The following AUTS2 variants were observed in gnomAD, a reference collection of about 807,000 sequenced individuals.
AUTS2 encodes activator of transcription and developmental regulator AUTS2.
A neutral mutation model predicts 112.4 loss-of-function variants in AUTS2; 17 were observed. The observed-to-expected ratio is 0.15, with a 90% CI of 0.10 to 0.23. The LOEUF is 0.23. Among genes scored for constraint, AUTS2 ranks in the 10% least tolerant of loss-of-function variants. AUTS2 has a pLI of 1.00. For synonymous variants in AUTS2, 751 were observed against 702.7 expected (o/e 1.07, Z -1.09); for missense variants, 1,510 against 1,701.6 (o/e 0.89, Z 1.98).
chr7:69,894,637 T>A (rs1023095952), intron 1 of AUTS2, among the ~76,000 whole-genome samples: 2 of 152,170 alleles, frequency 1.3e-5, no homozygotes, highest in African/African-American at 4.8e-5. Context: ...ACGAGAAAAT[T>A]TCTTCTTTCC....
At chr7:69,617,156 A>G (rs1345221943) in intron 1 of AUTS2, among the ~76,000 whole-genome samples, 1 of 152,146 alleles carries the variant, frequency 6.6e-6, no homozygotes. Flanking sequence ...CTCAAATAAC[A>G]TTGATTCTTT....
chr7:70,235,707 A>G (rs1291225631), intron 4 of AUTS2, among the ~76,000 whole-genome samples: 1 of 150,110 alleles, frequency 6.7e-6, no homozygotes, highest in East Asian at 2.0e-4. Context: ...GCTGGAGTGC[A>G]ATGGTATGAT....
chr7:69,692,094 G>T (rs1400564385), intron 1 of AUTS2, among the ~76,000 whole-genome samples: 1 of 152,188 alleles, frequency 6.6e-6, no homozygotes, highest in African/African-American at 2.4e-5. Flanking sequence ...ATGCTTTAGA[G>T]GTGGGAGAAT....
At chr7:70,619,028 T>C (rs571730739) in intron 5 of AUTS2, among the ~76,000 whole-genome samples, 154 of 152,264 alleles carry the variant, frequency 1.0e-3, no homozygotes, top group African/African-American at 3.3e-3. Flanking sequence ...GATATTCTAC[T>C]TGGGACACAC....
intron 5 of AUTS2, among the ~76,000 whole-genome samples, chr7:70,601,984 G>T (rs1803494665): frequency 6.6e-6 from 1 of 152,074 alleles, no homozygotes; most frequent in Non-Finnish European, 1.5e-5. Flanking sequence ...AATAGTCTCT[G>T]ATTCCCTATT....
At chr7:70,025,547 G>A (rs2129555781) in intron 2 of AUTS2, among the ~76,000 whole-genome samples, 1 of 151,034 alleles carries the variant, frequency 6.6e-6, no homozygotes, top group South Asian at 2.1e-4. Flanking sequence ...TGCCTCCCAG[G>A]TTCAAGTGAT....
intron 4 of AUTS2, among the ~76,000 whole-genome samples, chr7:70,246,578 G>C (rs1812934170): frequency 6.6e-6 from 1 of 151,916 alleles, no homozygotes; most frequent in African/African-American, 2.4e-5. Flanking sequence ...ACACAACACT[G>C]TTGAAATTAT....
chr7:70,563,946 T>C (rs1451720898), intron 5 of AUTS2, among the ~76,000 whole-genome samples: 1 of 152,222 alleles, frequency 6.6e-6, no homozygotes, highest in African/African-American at 2.4e-5. Flanking sequence ...GCATATGGAT[T>C]TTCTGAAATA....
intron 6 of AUTS2, among the ~76,000 whole-genome samples, chr7:70,733,772 A>G (rs554859102): frequency 6.6e-6 from 1 of 152,012 alleles, no homozygotes; most frequent in African/African-American, 2.4e-5. Flanking sequence ...TTTTTAGTAG[A>G]GACAGGGTTT....
At chr7:70,035,746 A>T (rs1029551015) in intron 2 of AUTS2, among the ~76,000 whole-genome samples, 1 of 152,100 alleles carries the variant, frequency 6.6e-6, no homozygotes, top group Non-Finnish European at 1.5e-5. Flanking sequence ...TAGAGTCTTC[A>T]TTGCATAATT....
intron 5 of AUTS2, among the ~76,000 whole-genome samples, chr7:70,570,664 A>C (rs1280670004): frequency 2.0e-5 from 3 of 152,052 alleles, no homozygotes; most frequent in Middle Eastern, 3.2e-3. Flanking sequence ...TGCTAAGACT[A>C]TGTGGACCCA....
intron 2 of AUTS2, among the ~76,000 whole-genome samples, chr7:70,013,380 TG>T (rs1799890118): frequency 2.6e-5 from 4 of 152,102 alleles, no homozygotes; most frequent in Middle Eastern, 3.2e-3. Flanking sequence ...GAGCTGGAGG[TG>T]GGAATTCTGC....
At chr7:70,746,808 G>A (rs539610021) in intron 6 of AUTS2, among the ~76,000 whole-genome samples, 33 of 152,280 alleles carry the variant, frequency 2.2e-4, no homozygotes, top group Middle Eastern at 3.4e-3. Context: ...TTGTGAACAC[G>A]GGGAGTAGCA....
At chr7:69,606,134 T>C (rs1792702583) in intron 1 of AUTS2, among the ~76,000 whole-genome samples, 1 of 152,188 alleles carries the variant, frequency 6.6e-6, no homozygotes, top group Admixed American at 6.5e-5. Context: ...CTGAGAGTAG[T>C]GTTCTGTAGT....
intron 4 of AUTS2, among the ~76,000 whole-genome samples, chr7:70,190,184 C>T (rs1809808627): frequency 1.3e-5 from 2 of 152,130 alleles, no homozygotes; most frequent in South Asian, 4.1e-4. Context: ...CATTTTCTTC[C>T]CATACCTTAG....
chr7:69,993,059 C>G (rs895039040), intron 2 of AUTS2, among the ~76,000 whole-genome samples: 2 of 152,130 alleles, frequency 1.3e-5, no homozygotes, highest in East Asian at 3.9e-4. Context: ...CTCTGAATTT[C>G]AGGAGGTTGG....
At chr7:70,643,899 G>A (rs1375499896) in intron 5 of AUTS2, among the ~76,000 whole-genome samples, 1 of 152,062 alleles carries the variant, frequency 6.6e-6, no homozygotes, top group African/African-American at 2.4e-5. Context: ...CAAAAGACTG[G>A]CTCAGTCCAT....
chr7:69,810,067 C>T (rs1056204453), intron 1 of AUTS2, among the ~76,000 whole-genome samples: 5 of 152,158 alleles, frequency 3.3e-5, no homozygotes, highest in Admixed American at 2.0e-4. Flanking sequence ...AGAACCTGAC[C>T]GTGTGACTCT....
intron 2 of AUTS2, among the ~76,000 whole-genome samples, chr7:69,972,573 T>C (rs1797890626): frequency 6.6e-6 from 1 of 152,096 alleles, no homozygotes; most frequent in South Asian, 2.1e-4. Flanking sequence ...TCCTAAAAGC[T>C]TTATATTTCA....
Sources: allele counts gnomAD v4.1 joint callset (sites outside exome capture counted in the v4.1 genomes callset), GRCh38; gene constraint gnomAD v4.1.1; transcripts MANE v1.5; gene names NCBI Gene and HGNC (gene_info 2026-07-23, HGNC 2026-07-21).